The following ATF7IP variants were observed in gnomAD, a reference collection of about 807,000 sequenced individuals.
ATF7IP encodes activating transcription factor 7-interacting protein 1.
A neutral mutation model predicts 106.4 loss-of-function variants in ATF7IP; 23 were observed. The observed-to-expected ratio is 0.22, with a 90% confidence interval of 0.16 to 0.31. The LOEUF (loss-of-function observed/expected upper bound fraction) is 0.31. Among genes scored for constraint, ATF7IP ranks in the 10% least tolerant of loss-of-function variants. ATF7IP has a pLI of 1.00. For missense variants in ATF7IP, 1,334 were observed against 1,524.3 expected, an observed-to-expected ratio of 0.88 and a Z score of 2.08; for synonymous variants, 542 against 539.0, an observed-to-expected ratio of 1.01 and a Z score of -0.08.
chr12:14,436,599 G>A (rs149090567), intron 4 of ATF7IP, among the ~76,000 whole-genome samples: 7,740 of 152,220 alleles, frequency 0.051, 675 homozygotes, highest in African/African-American at 0.18. Flanking sequence ...GGCTGAGGCA[G>A]GAGAATCACT....
chr12:14,424,577 C>T lies in ATF7IP; in HGVS notation c.662C>T (p.Ser221Phe), dbSNP rs766784248. ...PGEPVPVEPI[S>F]GDCAADDIAS... ...GAACCGGTCCCTGTTGAACCCATTT[C>T]TGGTGATTGTGCCGCTGATGATATA... Residue 221 changes from serine to phenylalanine, a missense_variant, in exon 2 of 15, where the codon TCT becomes TTT. Around this residue, in one of 10 missense-constraint regions of ATF7IP, gnomAD observed 438 missense variants for 405.3 expected, o/e 1.08. Coordinates refer to ENST00000261168, the MANE Select transcript of ATF7IP (RefSeq NM_018179.5). 3 of 1,614,036 alleles carry T rather than the reference C, an allele frequency of 1.9e-6. No homozygotes were observed. Among genetic ancestry groups the T allele is most frequent in the African/African-American group, 1.3e-5 (1 of 74,914 alleles).
chr12:14,419,091 T>C (rs143275699), intron 1 of ATF7IP: 104 of 152,312 alleles, frequency 6.8e-4, no homozygotes, highest in African/African-American at 2.4e-3. Flanking sequence ...TTATACCATT[T>C]ATTGAGTTCT....
At chr12:14,441,651 G>A (rs1315874717) in intron 5 of ATF7IP, among the ~76,000 whole-genome samples, 3 of 151,688 alleles carry the variant, frequency 2.0e-5, no homozygotes, top group African/African-American at 7.3e-5. Flanking sequence ...CACCACGCCC[G>A]GCCAATTTTT....
At chr12:14,491,090 T>G (rs1374206053) in intron 13 of ATF7IP, among the ~76,000 whole-genome samples, 3 of 152,124 alleles carry the variant, frequency 2.0e-5, no homozygotes, top group Non-Finnish European at 4.4e-5. Flanking sequence ...AGCATCCCTC[T>G]CTGCCCCTCA....
Position 14,408,615 on chromosome 12 carries a change from G to A in ATF7IP, c.-7-15294G>A, listed in dbSNP as rs562912376. The A allele has an allele frequency of 4.6e-5, 7 of 152,160 alleles. No homozygotes were observed. The South Asian group carries it at 6.2e-4, about 14-fold the overall frequency. The allele number at this position is 152,160 out of a possible 1,614,324, so 9.4% of individuals were successfully genotyped here. On this transcript the variant is annotated intron_variant, in intron 1 of 14. Transcript: ENST00000261168. The stretch of plus-strand genomic sequence containing the variant: ...AAGCAAAGGTAGATTTCTTTTAAAG[G>A]GGCATTTTATTTTTGAAATGGGAAA...
At chr12:14,386,458 C>A (rs1039191238) in intron 1 of ATF7IP, among the ~76,000 whole-genome samples, 2 of 152,014 alleles carry the variant, frequency 1.3e-5, no homozygotes, top group South Asian at 4.2e-4. Flanking sequence ...AAGAATATAT[C>A]CCTGACTTAT....
Position 14,501,924 on chromosome 12 carries a change from T to C in ATF7IP, c.*3851T>C, listed in dbSNP as rs1945169872. 6.6e-6 allele frequency: 1 copy of C among 152,244 alleles called. No homozygotes were observed. Among genetic ancestry groups the C allele is most frequent in the Non-Finnish European group, 1.5e-5 (1 of 68,038 alleles). 9.4% of individuals were successfully genotyped at this position (152,244 alleles called of 1,614,324 possible). A position where few individuals can be genotyped will look rare whatever the true frequency, so the allele number is the denominator to read the frequency against. ...GTTAATACTGCATGGTATTCATTTA[T>C]CTTGTTTCATGAACTTTCCAGTACT... On this transcript the variant is annotated 3_prime_UTR_variant, in exon 15 of 15. Transcript: ENST00000261168.
At chr12:14,381,996 T>A (rs1487268808) in intron 1 of ATF7IP, among the ~76,000 whole-genome samples, 1 of 151,952 alleles carries the variant, frequency 6.6e-6, no homozygotes, top group Non-Finnish European at 1.5e-5. Context: ...AAAAAAAAAT[T>A]GAATGCAGCC....
chr12:14,497,291 C>T (rs779658099), intron 14 of ATF7IP, among the ~76,000 whole-genome samples: 102 of 152,134 alleles, frequency 6.7e-4, no homozygotes, highest in Non-Finnish European at 1.3e-3. Context: ...TTACATCATA[C>T]TGAAATGATA....
At chr12:14,398,551 G>GGCTA (rs1939993448) in intron 1 of ATF7IP, among the ~76,000 whole-genome samples, 1 of 149,836 alleles carries the variant, frequency 6.7e-6, no homozygotes, top group Admixed American at 6.6e-5. Flanking sequence ...TACATTGGCT[G>GGCTA]TATTTGTGAA....
At chr12:14,402,526 T>C (rs781335408) in intron 1 of ATF7IP, among the ~76,000 whole-genome samples, 2 of 152,078 alleles carry the variant, frequency 1.3e-5, no homozygotes, top group Non-Finnish European at 2.9e-5. Flanking sequence ...TTTTTTTACA[T>C]TGAGTCTTAG....
chr12:14,420,644 AT>A (rs1253860179), intron 1 of ATF7IP, among the ~76,000 whole-genome samples: 2 of 149,530 alleles, frequency 1.3e-5, no homozygotes, highest in African/African-American at 2.5e-5. Flanking sequence ...GAAAAAAAAA[AT>A]AAAGAAATAG....
chr12:14,436,382 A>G, intron 4 of ATF7IP, 131 bp downstream of exon 4: 1 of 956,470 alleles, frequency 1.0e-6, no homozygotes, highest in Non-Finnish European at 1.5e-6. Context: ...ACTTGAAGAA[A>G]GTGGTTGAGC....
intron 12 of ATF7IP, among the ~76,000 whole-genome samples, chr12:14,480,605 C>T (rs989772620): frequency 6.6e-5 from 10 of 152,164 alleles, no homozygotes; most frequent in Non-Finnish European, 1.5e-5. Flanking sequence ...TGGATTTACA[C>T]CCCCTTGGTA....
intron 1 of ATF7IP, among the ~76,000 whole-genome samples, chr12:14,414,389 C>T (rs1941086187): frequency 6.6e-6 from 1 of 152,160 alleles, no homozygotes; most frequent in Non-Finnish European, 1.5e-5. Flanking sequence ...GCCGAGGGCC[C>T]ACAGGCTGCA....
chr12:14,424,012 A>C lies in ATF7IP; in HGVS notation c.97A>C (p.Lys33Gln), dbSNP rs766778340. 6.2e-7 allele frequency: 1 copy of C among 1,614,184 alleles called. No homozygotes were observed. Among genetic ancestry groups the C allele is most frequent in the South Asian group, 1.1e-5 (1 of 91,084 alleles). ...RQQLEAVYKV[K>Q]EELLKTDVKL... ...GCAACTTGAAGCAGTGTACAAGGTCAAAGAAGAACTGTTGAAAACTGATGT... is the reference window on the plus strand; with the variant it reads ...GCAACTTGAAGCAGTGTACAAGGTCCAAGAAGAACTGTTGAAAACTGATGT... Residue 33 changes from lysine (K) to glutamine (Q), a missense_variant, in exon 2 of 15, where the codon AAA becomes CAA. Coordinates refer to ENST00000261168, the MANE Select transcript of ATF7IP (RefSeq NM_018179.5).
rs758639216 is a variant in ATF7IP at position 14,424,828 on chromosome 12, A to C, written c.913A>C (p.Asn305His). ...PVCEPVPEIDNIEPSSNKDDD... is the reference protein window; with the variant it reads ...PVCEPVPEIDHIEPSSNKDDD... Reference sequence around the variant, plus strand: ...TTGTGAACCAGTTCCTGAAATTGACAATATAGAACCAAGTAGCAATAAAGA... The same window carrying C: ...TTGTGAACCAGTTCCTGAAATTGACCATATAGAACCAAGTAGCAATAAAGA... Residue 305 changes from asparagine to histidine, a missense_variant, in exon 2 of 15, where the codon AAT becomes CAT. This residue lies in a region of ATF7IP where 438 missense variants were observed against 405.3 expected (regional missense o/e 1.08). Coordinates refer to ENST00000261168, the MANE Select transcript of ATF7IP (RefSeq NM_018179.5). 1.2e-6 allele frequency: 2 copies of C among 1,614,000 alleles called. No individual in the cohort carries two copies. Among genetic ancestry groups the C allele is most frequent in the African/African-American group, 2.7e-5 (2 of 75,028 alleles).
At chr12:14,428,390 G>T (rs1941967839) in intron 2 of ATF7IP, among the ~76,000 whole-genome samples, 1 of 152,086 alleles carries the variant, frequency 6.6e-6, no homozygotes, top group Non-Finnish European at 1.5e-5. Context: ...TAATTTCTTG[G>T]CTCATAACTA....
chr12:14,379,293 C>G (rs921268664), intron 1 of ATF7IP, among the ~76,000 whole-genome samples: 3 of 152,114 alleles, frequency 2.0e-5, no homozygotes, highest in African/African-American at 4.8e-5. Flanking sequence ...TGCCTTCCAT[C>G]ATGTTTGTAA....
Sources: gnomAD v4.1 joint callset for allele counts (sites outside exome capture counted in the v4.1 genomes callset) on GRCh38, gnomAD v4.1.1 for gene constraint, gnomAD v4.1.1 regional missense constraint, MANE v1.5 for transcripts, NCBI Gene and HGNC (gene_info 2026-07-23, HGNC 2026-07-21) for gene names.